SCN2B: variants seen among roughly 807,000 people sequenced by gnomAD.
The protein encoded by SCN2B is sodium channel regulatory subunit beta-2.
A neutral mutation model predicts 18.2 loss-of-function variants in SCN2B; 14 were observed. The observed-to-expected ratio is 0.77, with a 90% CI of 0.51 to 1.21. SCN2B has a LOEUF of 1.21. SCN2B is among the 50% of genes most tolerant of loss of function. SCN2B has a pLI of 0.00. For synonymous variants in SCN2B, 115 were observed against 115.3 expected (o/e 1.00, Z 0.02); for missense variants, 262 against 286.9 (o/e 0.91, Z 0.63).
Position 118,168,292 on chromosome 11 carries a change from G to A in SCN2B, c.241C>T (p.Leu81Phe). The change falls in exon 3 of 4, where the codon CTC becomes TTC. Residue 81 changes from leucine (L) to phenylalanine (F), a missense_variant. Transcript: ENST00000278947. This position sits in a 1 kb window ranked among gnomAD's most constrained non-coding sequence, Gnocchi z 4.7. ...TTAATGATCTTCATGCGGAACTGGA[G>A]GAACTGGGGTTGGAGCAAGGGACAG... is the stretch of plus-strand genomic sequence containing the variant. ...ECNNCSEEMFLQFRMKIINLK... is the reference protein window; with the variant it reads ...ECNNCSEEMFFQFRMKIINLK... 5.6e-6 allele frequency: 9 copies of A among 1,614,124 alleles called. No individual in the cohort carries two copies. The highest frequency in any genetic ancestry group is 1.1e-5 in the South Asian group (1 of 91,040).
intron 1 of SCN2B, among the ~76,000 whole-genome samples, chr11:118,174,011 C>T (rs939486907): frequency 1.3e-4 from 19 of 150,864 alleles, no homozygotes; most frequent in African/African-American, 3.4e-4. Context: ...CAGCCTGGAA[C>T]TCTTGATACT....
At chr11:118,175,731 G>A (rs138657611) in intron 1 of SCN2B, among the ~76,000 whole-genome samples, 48 of 152,114 alleles carry the variant, frequency 3.2e-4, no homozygotes, top group African/African-American at 9.6e-4. Context: ...CTCTACACCT[G>A]GCCCTTCCTC....
chr11:118,173,888 G>A (rs989173050), intron 1 of SCN2B, among the ~76,000 whole-genome samples: 1 of 151,964 alleles, frequency 6.6e-6, no homozygotes, highest in Admixed American at 6.6e-5. Context: ...CAGTGGGCTA[G>A]AGTGAGGACT....
rs1035709287 is a variant in SCN2B at position 118,176,485 on chromosome 11, GGGC to G, written c.-57_-55del. On this transcript the variant is annotated 5_prime_UTR_variant, in exon 1 of 4. Coordinates refer to ENST00000278947, the MANE Select transcript of SCN2B (RefSeq NM_004588.5). ...GGCTACGGGAGAGGGTGATTTGAGGGGGCGAGAACTACAAGGGAGGAATGGTTG... is the reference window on the plus strand; with the variant it reads ...GGCTACGGGAGAGGGTGATTTGAGGGGAGAACTACAAGGGAGGAATGGTTG... 90 of 1,339,982 alleles carry G rather than the reference GGGC, an allele frequency of 6.7e-5. 1 individual carries two copies. In the African/African-American group the frequency reaches 1.3e-3, roughly 19 times the overall value. The allele number at this position is 1,339,982 out of a possible 1,614,324, so 83.0% of individuals were successfully genotyped here.
chr11:118,172,892 GTT>G (rs11358502), intron 1 of SCN2B, among the ~76,000 whole-genome samples: 8,401 of 143,916 alleles, frequency 0.058, 715 homozygotes, highest in African/African-American at 0.19. Flanking sequence ...TTTCTTCTTG[GTT>G]TTTTTTTTTT....
Position 118,166,569 on chromosome 11 carries a change from C to T in SCN2B, c.*318G>A. On this transcript the variant is annotated 3_prime_UTR_variant, in exon 4 of 4. Coordinates refer to ENST00000278947, the MANE Select transcript of SCN2B (RefSeq NM_004588.5). ...GGTGGACAGCGGCCCCCTCCTCTAC[C>T]CCTGCCCACCCACTCCCTTCTCTCT... 3 of 434,432 alleles carry T rather than the reference C, an allele frequency of 6.9e-6. No individual in the cohort carries two copies. In the Admixed American group the frequency reaches 1.1e-4, roughly 15 times the overall value. The allele number at this position is 434,432 out of a possible 1,614,324, so 26.9% of individuals were successfully genotyped here.
intron 1 of SCN2B, among the ~76,000 whole-genome samples, chr11:118,175,796 G>A (rs1948464762): frequency 6.6e-6 from 1 of 152,114 alleles, no homozygotes; most frequent in South Asian, 2.1e-4. Context: ...TGCCTCAGCA[G>A]GTCTCCTCCC....
chr11:118,168,324 T>C lies in SCN2B; in HGVS notation c.238-29A>G. 6.3e-7 allele frequency: 1 copy of C among 1,591,994 alleles called. No individual in the cohort carries two copies. Among genetic ancestry groups the C allele is most frequent in the Non-Finnish European group, 8.6e-7 (1 of 1,160,124 alleles). On this transcript the variant is annotated intron_variant, in intron 2 of 3. Transcript: ENST00000278947. This position sits in a 1 kb window ranked among gnomAD's most constrained non-coding sequence, Gnocchi z 4.7. ...GGGTTGGAGCAAGGGACAGGATGGG[T>C]GGCTGGATGAGCAAGGAACTACAAG...
rs765743471 is a variant in SCN2B, at chr11:118,176,427, T to C, written c.5A>G (p.His2Arg). The stretch of plus-strand genomic sequence containing the variant: ...AGGGCGAGGTAGCCAGGCATCTCTG[T>C]GCATTTTCAGAGACTGAGATGTTAG... M[H>R]RDAWLPRPAF... The change falls in exon 1 of 4, where the codon CAC (histidine) becomes CGC (arginine). Residue 2 changes from histidine (H) to arginine (R), a missense_variant. By Grantham distance (29) the His-to-Arg change is conservative. Transcript: ENST00000278947. 60 of 1,613,662 alleles carry C rather than the reference T, an allele frequency of 3.7e-5. No homozygotes were observed. The highest frequency in any genetic ancestry group is 4.7e-5 in the Non-Finnish European group (56 of 1,179,826).
Position 118,168,395 on chromosome 11 carries a change from A to G in SCN2B, c.238-100T>C, listed in dbSNP as rs1948403670. ...TTCCCATCCACCCTTTTCCTGGGGAAGAGAGGCAGTTACCTCTGTGAGGCA... is the reference window on the plus strand; with the variant it reads ...TTCCCATCCACCCTTTTCCTGGGGAGGAGAGGCAGTTACCTCTGTGAGGCA... On this transcript the variant is annotated intron_variant, in intron 2 of 3. Transcript: ENST00000278947. This position sits in a 1 kb window ranked among gnomAD's most constrained non-coding sequence, Gnocchi z 4.7. 4 of 1,319,132 alleles carry G rather than the reference A, an allele frequency of 3.0e-6. No individual in the cohort carries two copies. The Admixed American group carries it at 5.1e-5, about 17-fold the overall frequency. 81.7% of individuals were successfully genotyped at this position (1,319,132 alleles called of 1,614,324 possible). A position where few individuals can be genotyped will look rare whatever the true frequency, so the allele number is the denominator to read the frequency against.
intron 1 of SCN2B, among the ~76,000 whole-genome samples, chr11:118,170,741 C>A (rs957782664): frequency 6.6e-6 from 1 of 152,222 alleles, no homozygotes; most frequent in African/African-American, 2.4e-5. Context: ...TTGGTGACAC[C>A]GATCTCCCAG....
Position 118,167,084 on chromosome 11 carries a change from G to T in SCN2B, c.451C>A (p.Pro151Thr). 2 of 1,611,246 alleles carry T rather than the reference G, an allele frequency of 1.2e-6. No individual in the cohort carries two copies. Among genetic ancestry groups the T allele is most frequent in the South Asian group, 1.1e-5 (1 of 91,082 alleles). The change falls in exon 4 of 4, where the codon CCC (proline) becomes ACC (threonine). Residue 151 changes from proline (P) to threonine (T), a missense_variant and splice_region_variant. Coordinates refer to ENST00000278947, the MANE Select transcript of SCN2B (RefSeq NM_004588.5). The stretch of plus-strand genomic sequence containing the variant: ...GCCACCGTGGAGTCCCGCTCAGGGG[G>T]CTCTGGAAAGGAAGCAGAGCCACTG... ...KIHLQVLMEEPPERDSTVAVI... is the reference protein window; with the variant it reads ...KIHLQVLMEETPERDSTVAVI...
chr11:118,172,892 GTTTT>G (rs11358502), intron 1 of SCN2B, among the ~76,000 whole-genome samples: 26 of 144,032 alleles, frequency 1.8e-4, no homozygotes, highest in African/African-American at 5.8e-4. Flanking sequence ...TTTCTTCTTG[GTTTT>G]TTTTTTTTTT....
Position 118,166,533 on chromosome 11 carries a change from A to G in SCN2B, c.*354T>C. Reference sequence around the variant, plus strand: ...CCTCTCTGAAGCCACTGCCAGGCCAAGCACTGGGCAGGTGGACAGCGGCCC... The same window carrying G: ...CCTCTCTGAAGCCACTGCCAGGCCAGGCACTGGGCAGGTGGACAGCGGCCC... On this transcript the variant is annotated 3_prime_UTR_variant, in exon 4 of 4. Transcript: ENST00000278947. 5.5e-6 allele frequency: 2 copies of G among 363,166 alleles called. No individual in the cohort carries two copies. Among genetic ancestry groups the G allele is most frequent in the Non-Finnish European group, 1.1e-5 (2 of 189,052 alleles). The allele number at this position is 363,166 out of a possible 1,614,324, so 22.5% of individuals were successfully genotyped here.
intron 1 of SCN2B, among the ~76,000 whole-genome samples, chr11:118,175,855 G>A (rs11216799): frequency 0.064 from 9,706 of 152,068 alleles, 435 homozygotes; most frequent in Middle Eastern, 0.12. Context: ...TCCCACACAC[G>A]TTCCAACAGA....
At chr11:118,167,484 CAG>C (rs1431103874) in intron 3 of SCN2B, among the ~76,000 whole-genome samples, 1 of 152,216 alleles carries the variant, frequency 6.6e-6, no homozygotes, top group Non-Finnish European at 1.5e-5. Context: ...AATGCATAAA[CAG>C]AGCTTAGCCC....
At chr11:118,173,069 C>T (rs937217723) in intron 1 of SCN2B, among the ~76,000 whole-genome samples, 1 of 152,076 alleles carries the variant, frequency 6.6e-6, no homozygotes, top group East Asian at 1.9e-4. Context: ...CCCCGTGCAG[C>T]CAGGAGCAAC....
intron 3 of SCN2B, among the ~76,000 whole-genome samples, chr11:118,167,518 C>T (rs1948394418): frequency 6.6e-6 from 1 of 152,138 alleles, no homozygotes; most frequent in Non-Finnish European, 1.5e-5. Flanking sequence ...CATAGAGGTG[C>T]CCAATAAATG....
rs1565461682 is a variant in SCN2B, at chr11:118,163,851, C to T, written c.*3036G>A. 1 of 152,216 alleles carries T rather than the reference C, an allele frequency of 6.6e-6. No homozygotes were observed. The highest frequency in any genetic ancestry group is 1.9e-4 in the East Asian group (1 of 5,200). 9.4% of individuals were successfully genotyped at this position (152,216 alleles called of 1,614,324 possible). On this transcript the variant is annotated 3_prime_UTR_variant, in exon 4 of 4. Transcript: ENST00000278947. ...GGTAGGGAAATGGCTGCTGTGGAAA[C>T]ATCTCTCTGGTTTTCCACCTCTACT...
Sources: gnomAD v4.1 joint callset for allele counts (sites outside exome capture counted in the v4.1 genomes callset) on GRCh38, gnomAD v4.1.1 for gene constraint, Gnocchi (gnomAD v3.1) non-coding constraint, MANE v1.5 for transcripts, NCBI Gene and HGNC (gene_info 2026-07-23, HGNC 2026-07-21) for gene names.